The following USH2A variants were observed in gnomAD, a reference collection of about 807,000 sequenced individuals.
USH2A encodes the protein Usher syndrome 2A (autosomal recessive, mild).
A neutral mutation model predicts 538.9 loss-of-function variants in USH2A; 443 were observed. That is an observed-to-expected ratio of 0.82 (90% CI 0.76 to 0.89). The LOEUF is 0.89. Among genes scored for constraint, USH2A ranks in the 40% least tolerant of loss-of-function variants. The probability of loss-of-function intolerance (pLI) is 0.00; values close to 1 mark genes in which losing one functional copy is unlikely to be tolerated. For missense variants in USH2A, 6,633 were observed against 6,324.8 expected (o/e 1.05, Z -1.65); for synonymous variants, 2,413 against 2,273.5 (o/e 1.06, Z -1.75).
chr1:215,804,726 C>A (rs933362679), intron 49 of USH2A, among the ~76,000 whole-genome samples: 1 of 152,014 alleles, frequency 6.6e-6, no homozygotes, highest in African/African-American at 2.4e-5. Context: ...GTCAGTGTGG[C>A]GATTCCTCAG....
chr1:215,987,218 G>T (rs1667891246), intron 35 of USH2A, among the ~76,000 whole-genome samples: 1 of 152,128 alleles, frequency 6.6e-6, no homozygotes, highest in Admixed American at 6.6e-5. Context: ...CTTCTAAAAA[G>T]GAATATGGCT....
intron 32 of USH2A, among the ~76,000 whole-genome samples, chr1:216,011,180 G>C (rs1420278550): frequency 1.3e-5 from 2 of 151,978 alleles, no homozygotes; most frequent in Admixed American, 6.6e-5. Context: ...CCACCCCATG[G>C]TGCCAAACCC....
chr1:216,005,569 C>T (rs1668372344), intron 32 of USH2A, among the ~76,000 whole-genome samples: 1 of 151,988 alleles, frequency 6.6e-6, no homozygotes, highest in African/African-American at 2.4e-5. Flanking sequence ...CCCAGGCTGC[C>T]ATTTTTTTTT....
chr1:215,634,802 A>C (rs1656424024), intron 69 of USH2A, 99 bp from the exon 70 acceptor site: 1 of 1,595,964 alleles, frequency 6.3e-7, no homozygotes, highest in Non-Finnish European at 8.6e-7. Context: ...AGGAGTTGAA[A>C]GCAGAAAGCA....
chr1:215,840,355 T>C (rs1300946102), intron 46 of USH2A, among the ~76,000 whole-genome samples: 3 of 152,018 alleles, frequency 2.0e-5, no homozygotes, highest in Non-Finnish European at 4.4e-5. Context: ...ATCACTGAAA[T>C]TTGATGTTCA....
intron 3 of USH2A, among the ~76,000 whole-genome samples, chr1:216,394,758 G>T (rs1374694664): frequency 8.7e-6 from 1 of 115,222 alleles, no homozygotes; most frequent in African/African-American, 3.2e-5. Flanking sequence ...TCGCTCTGTC[G>T]CCCAGGCTGG....
intron 14 of USH2A, among the ~76,000 whole-genome samples, chr1:216,218,021 A>G (rs1285028799): frequency 1.3e-5 from 2 of 152,076 alleles, no homozygotes; most frequent in Non-Finnish European, 2.9e-5. Context: ...TAAAAATCTT[A>G]AAATTCTATA....
rs1655925867 is a variant in USH2A at position 215,624,519 on chromosome 1, A to AAGAC, written c.*1258_*1261dup. The AAGAC allele has an allele frequency of 6.6e-6, 1 of 152,218 alleles. No homozygotes were observed. The highest frequency in any genetic ancestry group is 1.5e-5 in the Non-Finnish European group (1 of 68,030). The allele number at this position is 152,218 out of a possible 1,614,324, so 9.4% of individuals were successfully genotyped here. Reference sequence around the variant, plus strand: ...TCACAAAGACCTTTAAGGATGAAGGAAGACAAGAGGTTTTCTTACTCTGTT... The same window carrying AAGAC: ...TCACAAAGACCTTTAAGGATGAAGGAAGACAGACAAGAGGTTTTCTTACTCTGTT... On this transcript the variant is annotated 3_prime_UTR_variant, in exon 72 of 72. Transcript: ENST00000307340.
Position 215,839,788 on chromosome 1 carries a change from C to T in USH2A, c.9259-1685G>A, listed in dbSNP as rs1443998213. ...AAATATAAAGCTTACTGTATTTATA[C>T]TAAAAAGAGGTAAAACTGAATAAAA... On this transcript the variant is annotated intron_variant, in intron 46 of 71. Transcript: ENST00000307340. Among the ~76,000 whole-genome samples, 3 of 151,926 alleles carry T rather than the reference C, an allele frequency of 2.0e-5. No individual in the cohort carries two copies. In the East Asian group the frequency reaches 5.8e-4, roughly 29 times the overall value.
At position 215,782,038 on chromosome 1, in the gene USH2A, T is replaced by C. The variant is rs1232518421; in HGVS notation, c.10740+4A>G. ...TTCCCAGAGTTTAGGCAAACTCCTC[T>C]TACCTTGCTACTGGTGGCACAGCCA... On this transcript the variant is annotated splice_donor_region_variant and intron_variant, in intron 54 of 71. Coordinates refer to ENST00000307340, the MANE Select transcript of USH2A (RefSeq NM_206933.4). The C allele has an allele frequency of 6.2e-7, 1 of 1,613,906 alleles. No individual in the cohort carries two copies. Among genetic ancestry groups the C allele is most frequent in the South Asian group, 1.1e-5 (1 of 91,080 alleles).
chr1:215,906,871 A>T (rs938030762), intron 38 of USH2A, among the ~76,000 whole-genome samples: 4 of 152,094 alleles, frequency 2.6e-5, no homozygotes, highest in Non-Finnish European at 5.9e-5. Context: ...ATTTGACCAT[A>T]GAATATTCAA....
At chr1:215,867,318 T>A in intron 43 of USH2A, 148 bp from the exon 44 acceptor site, 1 of 916,812 alleles carries the variant, frequency 1.1e-6, no homozygotes, top group South Asian at 1.8e-5. Context: ...GAAAATACAT[T>A]ATTTTATTTT....
chr1:215,707,805 C>T (rs947022869), intron 61 of USH2A, among the ~76,000 whole-genome samples: 2 of 152,036 alleles, frequency 1.3e-5, no homozygotes, highest in Non-Finnish European at 2.9e-5. Context: ...CTTTCTGAAA[C>T]CACTAGAGAA....
At chr1:216,009,905 AT>A (rs1385863813) in intron 32 of USH2A, among the ~76,000 whole-genome samples, 1 of 152,106 alleles carries the variant, frequency 6.6e-6, no homozygotes, top group Non-Finnish European at 1.5e-5. Flanking sequence ...CCCAAATCAG[AT>A]AGCGTTTAGG....
intron 38 of USH2A, among the ~76,000 whole-genome samples, chr1:215,908,319 T>C (rs1032295962): frequency 2.0e-5 from 3 of 151,978 alleles, no homozygotes; most frequent in Non-Finnish European, 4.4e-5. Context: ...AGAGCAGATA[T>C]GCTTTTTATT....
chr1:216,395,241 C>G (rs954605710), intron 3 of USH2A, among the ~76,000 whole-genome samples: 2 of 152,138 alleles, frequency 1.3e-5, no homozygotes, highest in Middle Eastern at 3.2e-3. Flanking sequence ...TAACAATCAA[C>G]CGAATGTTAA....
intron 32 of USH2A, among the ~76,000 whole-genome samples, chr1:216,030,920 TA>T: frequency 6.6e-6 from 1 of 151,568 alleles, no homozygotes; most frequent in East Asian, 1.9e-4. Context: ...ATAGACTCTC[TA>T]AAAAACAATA....
intron 48 of USH2A, among the ~76,000 whole-genome samples, chr1:215,815,529 T>A (rs1662833292): frequency 6.6e-6 from 1 of 152,042 alleles, no homozygotes; most frequent in Non-Finnish European, 1.5e-5. Context: ...ACTTATTTGG[T>A]ACAAAGCTTC....
intron 32 of USH2A, among the ~76,000 whole-genome samples, chr1:216,025,119 C>T (rs556724643): frequency 1.8e-4 from 27 of 151,758 alleles, no homozygotes; most frequent in South Asian, 4.2e-4. Flanking sequence ...TTTATTGTTG[C>T]CCTCTGATCT....
Sources: gnomAD v4.1 joint callset for allele counts (sites outside exome capture counted in the v4.1 genomes callset) on GRCh38, gnomAD v4.1.1 for gene constraint, MANE v1.5 for transcripts, NCBI Gene and HGNC (gene_info 2026-07-23, HGNC 2026-07-21) for gene names.